The following NCOA3 variants were observed in gnomAD, a reference collection of about 807,000 sequenced individuals.
NCOA3 encodes the protein CBP-interacting protein.
In NCOA3, 51 loss-of-function variants were observed where a neutral mutation model predicts 158.8. That is an observed-to-expected ratio of 0.32 (90% CI 0.26 to 0.41). The LOEUF (loss-of-function observed/expected upper bound fraction) is 0.41. Ranked by LOEUF, NCOA3 falls within the 10% of genes least tolerant of loss-of-function variation. The pLI is 1.00. For missense variants in NCOA3, 1,510 were observed against 1,746.6 expected (o/e 0.86, Z 2.41); for synonymous variants, 537 against 592.4 (o/e 0.91, Z 1.36).
chr20:47,602,118 T>A (rs1209903323), intron 2 of NCOA3, among the ~76,000 whole-genome samples: 1 of 152,232 alleles, frequency 6.6e-6, no homozygotes, highest in Non-Finnish European at 1.5e-5. Flanking sequence ...GGCTACTTCA[T>A]TCATTTACAT....
At chr20:47,594,038 A>T (rs2085700910) in intron 2 of NCOA3, among the ~76,000 whole-genome samples, 1 of 152,206 alleles carries the variant, frequency 6.6e-6, no homozygotes, top group East Asian at 1.9e-4. Context: ...CGATTACTTA[A>T]AAACCAAACA....
chr20:47,540,596 T>A (rs1015223981), intron 1 of NCOA3, among the ~76,000 whole-genome samples: 3 of 151,182 alleles, frequency 2.0e-5, no homozygotes, highest in African/African-American at 7.3e-5. Flanking sequence ...AAAATTCAAA[T>A]ATCTTTGTAT....
rs1556556370 is a variant in NCOA3, at chr20:47,511,550, T to TACACACACACATACAC, written c.-99+9532_-99+9533insCACACACACATACACA. Among the ~76,000 whole-genome samples the TACACACACACATACAC allele has an allele frequency of 3.4e-3, 179 of 52,270 alleles. 27 individuals carry two copies. The Middle Eastern group carries it at 0.042, about 12-fold the overall frequency. 34.3% of individuals were successfully genotyped at this position (52,270 alleles called of 152,430 possible). A position where few individuals can be genotyped will look rare whatever the true frequency, so the allele number is the denominator to read the frequency against. ...ATATATATATATATATATATATATA[T>TACACACACACATACAC]ATATATTTCTTTTTTTTTTTGAGAC... On this transcript the variant is annotated intron_variant, in intron 1 of 22. Coordinates refer to ENST00000371998, the MANE Select transcript of NCOA3 (RefSeq NM_181659.3).
intron 1 of NCOA3, among the ~76,000 whole-genome samples, chr20:47,566,020 C>T (rs2085188551): frequency 6.6e-6 from 1 of 152,196 alleles, no homozygotes. Context: ...GTTGCCCAGG[C>T]TGGAGTGCAG....
intron 2 of NCOA3, among the ~76,000 whole-genome samples, chr20:47,607,813 T>C (rs1245157502): frequency 6.6e-6 from 1 of 152,224 alleles, no homozygotes; most frequent in Non-Finnish European, 1.5e-5. Flanking sequence ...TACAAGTACA[T>C]GTCTTTGTGA....
intron 1 of NCOA3, among the ~76,000 whole-genome samples, chr20:47,527,125 C>G (rs562502438): frequency 6.6e-6 from 1 of 152,272 alleles, no homozygotes; most frequent in African/African-American, 2.4e-5. Context: ...TATAGGTGAT[C>G]ATGTCTGTGA....
In NCOA3 at chr20:47,627,544, C is replaced by G; in HGVS notation, c.533-17C>G. Reference sequence around the variant, plus strand: ...TTACCAGCTTTTTAAAATGTCATTTCAATTTGTTTTCCAAAGTTAATGGAG... The same window carrying G: ...TTACCAGCTTTTTAAAATGTCATTTGAATTTGTTTTCCAAAGTTAATGGAG... On this transcript the variant is annotated splice_polypyrimidine_tract_variant and intron_variant, in intron 6 of 22. Coordinates refer to ENST00000371998, the MANE Select transcript of NCOA3 (RefSeq NM_181659.3). The G allele has an allele frequency of 6.3e-7, 1 of 1,580,292 alleles. No individual in the cohort carries two copies. The highest frequency in any genetic ancestry group is 8.6e-7 in the Non-Finnish European group (1 of 1,163,302).
At chr20:47,648,608 G>A (rs779695237) in intron 18 of NCOA3, among the ~76,000 whole-genome samples, 15 of 152,130 alleles carry the variant, frequency 9.9e-5, no homozygotes, top group Non-Finnish European at 1.8e-4. Context: ...AGGTAGCTGG[G>A]ACTACAGGAG....
intron 2 of NCOA3, among the ~76,000 whole-genome samples, chr20:47,616,393 A>G (rs776979724): frequency 2.6e-5 from 4 of 151,592 alleles, no homozygotes; most frequent in Non-Finnish European, 5.9e-5. Context: ...GGGTTTCACC[A>G]TGTTGGTCAG....
chr20:47,553,667 C>CAAG lies in NCOA3; in HGVS notation c.-98-29516_-98-29515insAAG, dbSNP rs1602392220. 2.0e-5 allele frequency among the ~76,000 whole-genome samples: 3 copies of CAAG among 150,100 alleles called. No individual in the cohort carries two copies. In the East Asian group the frequency reaches 5.9e-4, roughly 30 times the overall value. On this transcript the variant is annotated intron_variant, in intron 1 of 22. Transcript: ENST00000371998. ...TGCGGTGTTTGGTTTTTTGTCCTTG[C>CAAG]GATAGTTTGTTGAGAATGATGGTTT...
chr20:47,563,423 G>A (rs571421055), intron 1 of NCOA3, among the ~76,000 whole-genome samples: 1 of 152,238 alleles, frequency 6.6e-6, no homozygotes, highest in South Asian at 2.1e-4. Context: ...GAATAGATAG[G>A]CTATCTCTGT....
intron 2 of NCOA3, among the ~76,000 whole-genome samples, chr20:47,617,711 A>G (rs1410791553): frequency 6.6e-6 from 1 of 152,232 alleles, no homozygotes; most frequent in East Asian, 1.9e-4. Context: ...TATTGTATAT[A>G]TTGAAATTAT....
At chr20:47,538,273 C>G (rs1412006990) in intron 1 of NCOA3, among the ~76,000 whole-genome samples, 1 of 152,162 alleles carries the variant, frequency 6.6e-6, no homozygotes, top group Non-Finnish European at 1.5e-5. Flanking sequence ...TGACACAAGT[C>G]TTTTGGTCTG....
intron 1 of NCOA3, among the ~76,000 whole-genome samples, chr20:47,548,965 T>TTGTTAAATTAGTG (rs1444825094): frequency 6.6e-6 from 1 of 152,222 alleles, no homozygotes; most frequent in Non-Finnish European, 1.5e-5. Flanking sequence ...TTGAGAACAT[T>TTGTTAAATTAGTG]TGTTAAATTA....
intron 1 of NCOA3, among the ~76,000 whole-genome samples, chr20:47,563,138 C>T (rs537602940): frequency 1.9e-4 from 29 of 152,298 alleles, no homozygotes; most frequent in South Asian, 1.4e-3. Context: ...GATTCTGGAT[C>T]GAAGACTACT....
intron 1 of NCOA3, among the ~76,000 whole-genome samples, chr20:47,525,516 A>G (rs1215235950): frequency 2.0e-5 from 3 of 148,754 alleles, no homozygotes; most frequent in African/African-American, 7.4e-5. Flanking sequence ...GCGGCCGGGC[A>G]GAGGCGCCCC....
intron 1 of NCOA3, among the ~76,000 whole-genome samples, chr20:47,554,752 G>A (rs2084975864): frequency 6.6e-6 from 1 of 152,216 alleles, no homozygotes; most frequent in East Asian, 1.9e-4. Context: ...TGGGTAGGAA[G>A]AATCAATATC....
chr20:47,596,050 C>T (rs1257405120), intron 2 of NCOA3, among the ~76,000 whole-genome samples: 1 of 152,130 alleles, frequency 6.6e-6, no homozygotes, highest in East Asian at 1.9e-4. Context: ...ATGAAGTATA[C>T]TTTGAAGGCT....
intron 2 of NCOA3, among the ~76,000 whole-genome samples, chr20:47,589,050 G>A (rs1046018285): frequency 3.3e-5 from 5 of 151,712 alleles, no homozygotes; most frequent in African/African-American, 4.8e-5. Flanking sequence ...CAGCATGCCC[G>A]TCTAATTTTT....
Sources: gnomAD v4.1 joint callset for allele counts (sites outside exome capture counted in the v4.1 genomes callset) on GRCh38, gnomAD v4.1.1 for gene constraint, MANE v1.5 for transcripts, NCBI Gene and HGNC (gene_info 2026-07-23, HGNC 2026-07-21) for gene names.